The following TTC29 variants were observed in gnomAD, a reference collection of about 807,000 sequenced individuals.
TTC29 encodes tetratricopeptide repeat domain 29, also known as tetratricopeptide repeat protein 29.
TTC29 carries 49 observed loss-of-function variants against 58.1 expected under a neutral mutation model. The observed-to-expected ratio is 0.84, with a 90% CI of 0.67 to 1.07. The LOEUF (loss-of-function observed/expected upper bound fraction) is 1.07, where lower values mean the gene tolerates loss of function less well. Among genes scored for constraint, TTC29 ranks in the 50% least tolerant of loss-of-function variants. The pLI is 0.00. For missense variants in TTC29, 582 were observed against 555.6 expected (o/e 1.05, Z -0.48); for synonymous variants, 209 against 196.8 (o/e 1.06, Z -0.52).
chr4:146,899,625 A>G (rs1195934744), intron 6 of TTC29, among the ~76,000 whole-genome samples: 1 of 152,056 alleles, frequency 6.6e-6, no homozygotes, highest in East Asian at 1.9e-4. Flanking sequence ...GGGGACTTGA[A>G]CCTATCTACT....
intron 7 of TTC29, among the ~76,000 whole-genome samples, chr4:146,868,029 C>T (rs1449700315): frequency 1.3e-5 from 2 of 152,242 alleles, no homozygotes; most frequent in Non-Finnish European, 2.9e-5. Flanking sequence ...AAATGGTGCA[C>T]AAACATTCAT....
chr4:146,771,471 T>A (rs142182565), intron 11 of TTC29, among the ~76,000 whole-genome samples: 1 of 152,228 alleles, frequency 6.6e-6, no homozygotes, highest in East Asian at 1.9e-4. Flanking sequence ...TCCTGTGTAC[T>A]CAATGTTTAG....
chr4:146,730,179 T>C (rs896674696), intron 11 of TTC29, among the ~76,000 whole-genome samples: 8 of 152,176 alleles, frequency 5.3e-5, no homozygotes, highest in Admixed American at 1.3e-4. Context: ...TTGTATAGTA[T>C]CTTCTTTCTT....
intron 11 of TTC29, among the ~76,000 whole-genome samples, chr4:146,780,882 T>A (rs1055340556): frequency 2.6e-5 from 4 of 152,040 alleles, no homozygotes; most frequent in Non-Finnish European, 4.4e-5. Flanking sequence ...CTTGTTTCCT[T>A]CCCAGGGAAT....
At chr4:146,859,505 T>A (rs1355161377) in intron 8 of TTC29, among the ~76,000 whole-genome samples, 1 of 152,186 alleles carries the variant, frequency 6.6e-6, no homozygotes, top group Non-Finnish European at 1.5e-5. Context: ...AGACTATGAA[T>A]TCTGGCATAA....
At chr4:146,720,718 C>T (rs989376721) in intron 11 of TTC29, among the ~76,000 whole-genome samples, 1 of 152,086 alleles carries the variant, frequency 6.6e-6, no homozygotes, top group African/African-American at 2.4e-5. Flanking sequence ...AGTAGACACT[C>T]TTTTGACTAA....
chr4:146,707,708 T>G (rs1296225128), intron 11 of TTC29, among the ~76,000 whole-genome samples, 157 bp from the exon 12 acceptor site: 2 of 152,106 alleles, frequency 1.3e-5, no homozygotes, highest in Non-Finnish European at 2.9e-5. Context: ...TGTACAAAGA[T>G]GGCCACAACA....
At chr4:146,904,440 A>G (rs1306891987) in intron 5 of TTC29, among the ~76,000 whole-genome samples, 2 of 152,084 alleles carry the variant, frequency 1.3e-5, no homozygotes, top group Non-Finnish European at 2.9e-5. Flanking sequence ...TTTTTCCTAA[A>G]GGGTATCTAA....
chr4:146,940,464 T>C (rs924722931), intron 2 of TTC29, among the ~76,000 whole-genome samples: 1 of 152,160 alleles, frequency 6.6e-6, no homozygotes, highest in African/African-American at 2.4e-5. Context: ...AAATGTACTG[T>C]TTTTTAAAAG....
chr4:146,943,005 C>T (rs1249173190), intron 2 of TTC29: 1 of 171,168 alleles, frequency 5.8e-6, no homozygotes, highest in Non-Finnish European at 1.2e-5. Context: ...CGTATAACTC[C>T]CCACCAAAGT....
chr4:146,883,184 C>T (rs983074691), intron 6 of TTC29, among the ~76,000 whole-genome samples: 6 of 152,036 alleles, frequency 3.9e-5, no homozygotes, highest in Non-Finnish European at 7.4e-5. Flanking sequence ...AAGCCAGAGA[C>T]CAGGTTTTGG....
At chr4:146,744,444 G>A (rs1561081996) in intron 11 of TTC29, among the ~76,000 whole-genome samples, 1 of 152,110 alleles carries the variant, frequency 6.6e-6, no homozygotes, top group Non-Finnish European at 1.5e-5. Flanking sequence ...GATATAGAAT[G>A]AATAGGTAAC....
At chr4:146,887,076 G>C (rs967427864) in intron 6 of TTC29, among the ~76,000 whole-genome samples, 16 of 152,242 alleles carry the variant, frequency 1.1e-4, no homozygotes, top group Admixed American at 2.0e-4. Context: ...TTGATGGGAA[G>C]TTGCTAATCA....
chr4:146,870,770 A>G (rs1730879299), intron 7 of TTC29, among the ~76,000 whole-genome samples: 1 of 151,998 alleles, frequency 6.6e-6, no homozygotes, highest in African/African-American at 2.4e-5. Context: ...GGAAAGATAC[A>G]AACTACTGAA....
chr4:146,792,882 C>T (rs1749570902), intron 11 of TTC29, among the ~76,000 whole-genome samples: 1 of 152,090 alleles, frequency 6.6e-6, no homozygotes, highest in South Asian at 2.1e-4. Flanking sequence ...AAGTTGATTG[C>T]AGCGCTCATG....
chr4:146,842,869 C>A (rs1196707487), intron 8 of TTC29, among the ~76,000 whole-genome samples: 1 of 152,104 alleles, frequency 6.6e-6, no homozygotes. Flanking sequence ...TCAAGTTTGC[C>A]ATCTTGAGCT....
In TTC29 at chr4:146,752,999, T is replaced by C. The variant is rs565765230; in HGVS notation, c.1331-45448A>G. On this transcript the variant is annotated intron_variant, in intron 11 of 12. Transcript: ENST00000325106. ...TCAGGACATAGGCATGGGCAAGGAC[T>C]TCATGTCTAAAAAACCAAAAGCAAT... 3.9e-5 allele frequency among the ~76,000 whole-genome samples: 6 copies of C among 152,286 alleles called. No homozygotes were observed. The East Asian group carries it at 1.2e-3, about 29-fold the overall frequency.
At chr4:146,800,037 G>T (rs1374939071) in intron 11 of TTC29, among the ~76,000 whole-genome samples, 1 of 152,182 alleles carries the variant, frequency 6.6e-6, no homozygotes, top group Non-Finnish European at 1.5e-5. Context: ...GTTGATTTAG[G>T]ATGAACAATT....
intron 4 of TTC29, among the ~76,000 whole-genome samples, chr4:146,914,813 TA>T (rs940080782): frequency 6.6e-5 from 10 of 152,044 alleles, no homozygotes; most frequent in Admixed American, 5.3e-4. Flanking sequence ...AACATCTCCC[TA>T]AAAAAATGCA....
Sources: gnomAD v4.1 joint callset for allele counts (sites outside exome capture counted in the v4.1 genomes callset) on GRCh38, gnomAD v4.1.1 for gene constraint, MANE v1.5 for transcripts, NCBI Gene and HGNC (gene_info 2026-07-23, HGNC 2026-07-21) for gene names.